The following B3GALT1 variants were observed in gnomAD, a reference collection of about 807,000 sequenced individuals.
The protein encoded by B3GALT1 is beta-1,3-galactosyltransferase 1, also known as UDP-Gal:betaGlcNAc beta 1,3-galactosyltransferase, polypeptide 1.
Under a neutral mutation model 23.2 loss-of-function variants are expected in B3GALT1, and 10 were observed. The ratio of observed to expected loss-of-function variants is 0.43; its 90% CI spans 0.27 to 0.73. The LOEUF (loss-of-function observed/expected upper bound fraction) is 0.73. B3GALT1 is among the 30% of genes least tolerant of loss of function. The pLI, the probability that B3GALT1 is intolerant of heterozygous loss-of-function variation, is 0.21. For synonymous variants in B3GALT1, 156 were observed against 141.5 expected (o/e 1.10, Z -0.73); for missense variants, 299 against 405.4 (o/e 0.74, Z 2.25).
intron 1 of B3GALT1, among the ~76,000 whole-genome samples, chr2:167,326,337 C>T (rs559204899): frequency 7.2e-4 from 109 of 151,826 alleles, no homozygotes; most frequent in African/African-American, 2.6e-3. Flanking sequence ...TGCATATTAG[C>T]CCCCTGTTAG....
intron 1 of B3GALT1, among the ~76,000 whole-genome samples, chr2:167,355,450 A>G (rs1697385627): frequency 1.3e-5 from 2 of 152,192 alleles, no homozygotes; most frequent in East Asian, 1.9e-4. Context: ...AAACCGTCAA[A>G]CTCATATCTA....
chr2:167,670,658 A>C (rs990947148), intron 3 of B3GALT1, among the ~76,000 whole-genome samples: 6 of 152,232 alleles, frequency 3.9e-5, no homozygotes, highest in Admixed American at 3.9e-4. Context: ...ACTCAATGAA[A>C]TAGGGAAAAC....
At chr2:167,411,649 T>C (rs1424820034) in intron 1 of B3GALT1, among the ~76,000 whole-genome samples, 2 of 152,196 alleles carry the variant, frequency 1.3e-5, no homozygotes, top group East Asian at 3.9e-4. Context: ...CTATCAACTG[T>C]ATGGATGTTC....
chr2:167,382,286 T>C (rs1266728126), intron 1 of B3GALT1, among the ~76,000 whole-genome samples: 3 of 151,888 alleles, frequency 2.0e-5, no homozygotes, highest in African/African-American at 7.3e-5. Context: ...AACCTTGCTT[T>C]CTAAGTTTTT....
intron 4 of B3GALT1, among the ~76,000 whole-genome samples, chr2:167,857,885 A>G (rs968577619): frequency 1.3e-5 from 2 of 152,110 alleles, no homozygotes; most frequent in Non-Finnish European, 2.9e-5. Flanking sequence ...AAGTGATTAA[A>G]TGATGATTCT....
chr2:167,829,981 A>C (rs1447021195), intron 4 of B3GALT1, among the ~76,000 whole-genome samples: 1 of 152,162 alleles, frequency 6.6e-6, no homozygotes, highest in African/African-American at 2.4e-5. Context: ...AGGAGAGGAA[A>C]AGGCAAAAGA....
intron 1 of B3GALT1, among the ~76,000 whole-genome samples, chr2:167,337,834 ATT>A: frequency 6.6e-6 from 1 of 152,306 alleles, no homozygotes; most frequent in Middle Eastern, 3.4e-3. Context: ...ATTTGTATGC[ATT>A]TGTTTCCCCC....
chr2:167,823,737 A>G (rs2105369175), intron 4 of B3GALT1, among the ~76,000 whole-genome samples: 1 of 152,294 alleles, frequency 6.6e-6, no homozygotes. Flanking sequence ...CCAGTGGGGG[A>G]ACCAAATATC....
chr2:167,844,567 G>C (rs1689716248), intron 4 of B3GALT1, among the ~76,000 whole-genome samples: 1 of 152,184 alleles, frequency 6.6e-6, no homozygotes, highest in Admixed American at 6.5e-5. Context: ...AAATACAGGG[G>C]TAGAGGAAGC....
intron 2 of B3GALT1, among the ~76,000 whole-genome samples, chr2:167,588,547 GTTA>G (rs1460356781): frequency 8.6e-5 from 13 of 151,800 alleles, no homozygotes; most frequent in Non-Finnish European, 1.8e-4. Flanking sequence ...ACGAACAATG[GTTA>G]TTATTTTTCT....
intron 1 of B3GALT1, among the ~76,000 whole-genome samples, chr2:167,423,435 TTC>T (rs1399927463): frequency 6.6e-6 from 1 of 152,192 alleles, no homozygotes; most frequent in East Asian, 1.9e-4. Context: ...TCTGTGGACT[TTC>T]TACTCGCAAT....
chr2:167,848,462 A>C (rs1029910535), intron 4 of B3GALT1, among the ~76,000 whole-genome samples: 2 of 152,200 alleles, frequency 1.3e-5, no homozygotes, highest in Admixed American at 6.5e-5. Flanking sequence ...CAAATGTGAT[A>C]CACCACATGA....
intron 3 of B3GALT1, among the ~76,000 whole-genome samples, chr2:167,780,707 C>T (rs1688232387): frequency 6.6e-6 from 1 of 152,168 alleles, no homozygotes; most frequent in East Asian, 1.9e-4. Flanking sequence ...AGATGTGATC[C>T]ATGCTGAAGT....
intron 2 of B3GALT1, among the ~76,000 whole-genome samples, chr2:167,512,630 A>G (rs1195879532): frequency 1.1e-5 from 1 of 94,302 alleles, no homozygotes; most frequent in Non-Finnish European, 2.1e-5. Flanking sequence ...ACGTGTATAT[A>G]TATATACATA....
At chr2:167,810,441 C>A (rs1159915759) in intron 3 of B3GALT1, among the ~76,000 whole-genome samples, 2 of 150,760 alleles carry the variant, frequency 1.3e-5, no homozygotes, top group African/African-American at 5.0e-5. Context: ...TTTGTTTTTT[C>A]ATTGAAAGAG....
At chr2:167,469,463 G>T (rs924590493) in intron 1 of B3GALT1, among the ~76,000 whole-genome samples, 26 of 152,108 alleles carry the variant, frequency 1.7e-4, no homozygotes, top group Non-Finnish European at 3.5e-4. Flanking sequence ...GAAATTTTAA[G>T]TTGAAAATTA....
intron 1 of B3GALT1, among the ~76,000 whole-genome samples, chr2:167,464,422 T>G (rs1699314026): frequency 6.6e-6 from 1 of 152,202 alleles, no homozygotes; most frequent in Non-Finnish European, 1.5e-5. Flanking sequence ...TACAGAAGAT[T>G]TTATTTGATC....
chr2:167,581,012 C>T (rs1179255535), intron 2 of B3GALT1, among the ~76,000 whole-genome samples: 1 of 152,174 alleles, frequency 6.6e-6, no homozygotes, highest in East Asian at 1.9e-4. Context: ...TATTCTCCTC[C>T]TCCACTCACC....
intron 3 of B3GALT1, among the ~76,000 whole-genome samples, chr2:167,763,402 A>G (rs1246422448): frequency 1.3e-5 from 2 of 152,220 alleles, no homozygotes; most frequent in Non-Finnish European, 2.9e-5. Flanking sequence ...TTTGGAAGGT[A>G]GATAAGAGCT....
Sources: gnomAD v4.1 joint callset for allele counts (sites outside exome capture counted in the v4.1 genomes callset) on GRCh38, gnomAD v4.1.1 for gene constraint, MANE v1.5 for transcripts, NCBI Gene and HGNC (gene_info 2026-07-23, HGNC 2026-07-21) for gene names.